AAMDC: variants seen among roughly 807,000 people sequenced by gnomAD.
AAMDC encodes the protein mth938 domain-containing protein.
Under a neutral mutation model 15.5 loss-of-function variants are expected in AAMDC, and 16 were observed. That is an observed-to-expected ratio of 1.03 (90% CI 0.70 to 1.57). The LOEUF is 1.57. Ranked by LOEUF, AAMDC falls within the 40% of genes most tolerant of loss-of-function variation. AAMDC has a pLI of 0.00. For missense variants in AAMDC, 141 were observed against 144.9 expected (o/e 0.97, Z 0.14); for synonymous variants, 51 against 51.6 (o/e 0.99, Z 0.05).
chr11:77,823,413 C>G (rs1394232189), intron 1 of AAMDC, among the ~76,000 whole-genome samples: 2 of 151,398 alleles, frequency 1.3e-5, no homozygotes, highest in African/African-American at 4.9e-5. Flanking sequence ...TCTCTTGACC[C>G]TGGGGACCTG....
chr11:77,876,356 C>T (rs1379710917), downstream of AAMDC, among the ~76,000 whole-genome samples: 2 of 152,044 alleles, frequency 1.3e-5, no homozygotes, highest in Non-Finnish European at 2.9e-5. Context: ...GAAGGTGCCA[C>T]ACTGGAGTGC....
chr11:77,834,447 T>C (rs561202882), intron 1 of AAMDC, among the ~76,000 whole-genome samples: 1 of 147,828 alleles, frequency 6.8e-6, no homozygotes, highest in African/African-American at 2.5e-5. Flanking sequence ...TTTTGTTTTT[T>C]TTTTTTTTTT....
intron 3 of AAMDC, 43 bp downstream of exon 3, chr11:77,869,860 T>G (rs1313665516): frequency 1.3e-6 from 2 of 1,577,644 alleles, no homozygotes; most frequent in African/African-American, 2.7e-5. Context: ...CAGGTGGGGA[T>G]CTCTTGGGCC....
intron 5 of AAMDC, among the ~76,000 whole-genome samples, chr11:77,885,268 G>A (rs1163860481): frequency 6.6e-6 from 1 of 151,794 alleles, no homozygotes; most frequent in African/African-American, 2.4e-5. Flanking sequence ...GTAGAGATGG[G>A]GTTTCACCAT....
chr11:77,901,737 AC>A (rs1231106218), downstream of AAMDC, among the ~76,000 whole-genome samples: 2 of 151,946 alleles, frequency 1.3e-5, no homozygotes, highest in Non-Finnish European at 2.9e-5. Context: ...TATTTTGCCT[AC>A]TTAAAAAGAA....
chr11:77,861,469 A>G (rs191703465), intron 2 of AAMDC, among the ~76,000 whole-genome samples: 44 of 152,318 alleles, frequency 2.9e-4, no homozygotes, highest in African/African-American at 1.0e-3. Context: ...TCAATGGTCA[A>G]GTATACCCGG....
intron 2 of AAMDC, among the ~76,000 whole-genome samples, chr11:77,858,302 CTT>C (rs71473358): frequency 2.2e-3 from 154 of 69,346 alleles, no homozygotes; most frequent in African/African-American, 9.0e-3. Context: ...TTAAGCAATT[CTT>C]TTTTTTTTTT....
chr11:77,861,671 A>G (rs193151650), intron 2 of AAMDC, among the ~76,000 whole-genome samples: 7 of 152,278 alleles, frequency 4.6e-5, no homozygotes, highest in Admixed American at 3.3e-4. Context: ...AATCTTTTTT[A>G]AAGTGTCCTT....
chr11:77,869,953 C>G, intron 3 of AAMDC, 136 bp downstream of exon 3: 1 of 701,442 alleles, frequency 1.4e-6, no homozygotes, highest in Non-Finnish European at 2.5e-6. Context: ...ATAGCAGTGG[C>G]TGCACACATT....
intron 1 of AAMDC, among the ~76,000 whole-genome samples, chr11:77,829,304 CCTTAT>C (rs1029240338): frequency 6.6e-6 from 1 of 152,116 alleles, no homozygotes; most frequent in African/African-American, 2.4e-5. Context: ...CAGGCCAGCA[CCTTAT>C]CTTGGATATG....
intron 2 of AAMDC, among the ~76,000 whole-genome samples, chr11:77,848,391 C>G (rs1018928237): frequency 6.6e-6 from 1 of 152,042 alleles, no homozygotes; most frequent in Non-Finnish European, 1.5e-5. Flanking sequence ...CGGAGTCTTG[C>G]TCTGTCACCC....
Position 77,858,302 on chromosome 11 carries a change from CTTTTTTT to C in AAMDC, c.133-11401_133-11395del, listed in dbSNP as rs71473358. On this transcript the variant is annotated intron_variant, in intron 2 of 3. Coordinates refer to ENST00000393427, the MANE Select transcript of AAMDC (RefSeq NM_024684.4). ...CTCCACCTCCTGCGTTTAAGCAATT[CTTTTTTT>C]TTTTTTTTTTTTTTTTTTGTAGTTG... Among the ~76,000 whole-genome samples the C allele has an allele frequency of 5.6e-3, 385 of 69,360 alleles. 8 individuals carry two copies. Among genetic ancestry groups the C allele is most frequent in the Middle Eastern group, 0.019 (1 of 52 alleles). The allele number at this position is 69,360 out of a possible 152,430, so 45.5% of individuals were successfully genotyped here.
At chr11:77,890,023 T>C (rs1207095283) in intron 5 of AAMDC, among the ~76,000 whole-genome samples, 2 of 152,194 alleles carry the variant, frequency 1.3e-5, no homozygotes, top group Non-Finnish European at 2.9e-5. Context: ...AACACTAGTG[T>C]CCATAGGCCC....
At chr11:77,829,614 C>T (rs1041054312) in intron 1 of AAMDC, 5 of 152,200 alleles carry the variant, frequency 3.3e-5, no homozygotes, top group Non-Finnish European at 5.9e-5. Context: ...CAGAATGTTT[C>T]AGACGACTAC....
downstream of AAMDC, among the ~76,000 whole-genome samples, chr11:77,904,067 C>T (rs2136447363): frequency 6.6e-6 from 1 of 152,312 alleles, no homozygotes; most frequent in African/African-American, 2.4e-5. Context: ...TCAACATATT[C>T]AACTAGAAAT....
chr11:77,899,009 G>C (rs1952656593), intron 5 of AAMDC, among the ~76,000 whole-genome samples: 1 of 151,440 alleles, frequency 6.6e-6, no homozygotes, highest in African/African-American at 2.5e-5. Context: ...GATAGAGCAA[G>C]ACTCTGTCTC....
chr11:77,891,523 C>T lies in AAMDC; in HGVS notation c.329-9048C>T. On this transcript the variant is annotated intron_variant, in intron 5 of 5. Transcript: ENST00000304716. Reference sequence around the variant, plus strand: ...CAGGTCATTCCTGGATGAGAAAACGCATCTTTTTTCTGTCTCCTTATCTAA... The same window carrying T: ...CAGGTCATTCCTGGATGAGAAAACGTATCTTTTTTCTGTCTCCTTATCTAA... 7 of 1,596,354 alleles carry T rather than the reference C, an allele frequency of 4.4e-6. No individual in the cohort carries two copies. In the South Asian group the frequency reaches 6.7e-5, roughly 15 times the overall value.
At chr11:77,858,187 A>G (rs1255037379) in intron 2 of AAMDC, among the ~76,000 whole-genome samples, 1 of 118,614 alleles carries the variant, frequency 8.4e-6, no homozygotes, top group East Asian at 2.4e-4. Flanking sequence ...CCTGGCTAAT[A>G]TATATAATTT....
intron 2 of AAMDC, among the ~76,000 whole-genome samples, chr11:77,847,250 C>T (rs1565203759): frequency 6.6e-6 from 1 of 152,140 alleles, no homozygotes; most frequent in East Asian, 1.9e-4. Context: ...TTCACTTTGG[C>T]CTTTGGGAAT....
Sources: gnomAD v4.1 joint callset for allele counts (sites outside exome capture counted in the v4.1 genomes callset) on GRCh38, gnomAD v4.1.1 for gene constraint, MANE v1.5 for transcripts, NCBI Gene and HGNC (gene_info 2026-07-23, HGNC 2026-07-21) for gene names.